Variants in PZP observed in about 807,000 individuals in gnomAD.
PZP encodes the protein PZP alpha-2-macroglobulin like.
In PZP, 150 loss-of-function variants were observed where a neutral mutation model predicts 179.8. The ratio of observed to expected loss-of-function variants is 0.83; its 90% CI spans 0.73 to 0.96. The LOEUF (loss-of-function observed/expected upper bound fraction) is 0.96, where lower values mean the gene tolerates loss of function less well. PZP is among the 40% of genes least tolerant of loss of function. The pLI, the probability that PZP is intolerant of heterozygous loss-of-function variation, is 0.00. For synonymous variants in PZP, 624 were observed against 652.3 expected (o/e 0.96, Z 0.66); for missense variants, 1,689 against 1,764.0 (o/e 0.96, Z 0.76).
Position 9,202,645 on chromosome 12 carries a change from T to C in PZP, c.307A>G (p.Ser103Gly), listed in dbSNP as rs752631140. The C allele has an allele frequency of 1.2e-6, 2 of 1,614,026 alleles. No homozygotes were observed. Among genetic ancestry groups the C allele is most frequent in the South Asian group, 2.2e-5 (2 of 91,084 alleles). The stretch of plus-strand genomic sequence containing the variant: ...TGCGTAGGCCCCTTTATCTGGATGC[T>C]AAGGAATGCCACCTCTGAAGAGGCT... ...ISASSEVAFL[S>G]IQIKGPTQDF... is the part of the protein sequence containing the mutation. Residue 103 changes from serine to glycine, a missense_variant, in exon 3 of 36, where the codon AGC (serine) becomes GGC (glycine). Ser to Gly is a moderately conservative substitution (Grantham distance 56, BLOSUM62 0). Around this residue, in one of 3 missense-constraint regions of PZP, gnomAD observed 742 missense variants for 730.5 expected, o/e 1.02. Transcript: ENST00000261336.
chr12:9,185,818 T>TCTTTTCTTTTCTTTTCTTTTCTTTTC (rs1555173417), intron 13 of PZP, among the ~76,000 whole-genome samples: 30 of 150,394 alleles, frequency 2.0e-4, no homozygotes, highest in Non-Finnish European at 3.7e-4. Flanking sequence ...TCTTTTCTTT[T>TCTTTTCTTTTCTTTTCTTTTCTTTTC]TTTTTTTCTT....
chr12:9,145,681 T>A (rs1439299972), downstream of PZP, among the ~76,000 whole-genome samples: 1 of 152,216 alleles, frequency 6.6e-6, no homozygotes, highest in Non-Finnish European at 1.5e-5. Flanking sequence ...TTAGTGTCCT[T>A]TTCTTTCAGT....
At chr12:9,165,626 G>A (rs917908751) in intron 18 of PZP, among the ~76,000 whole-genome samples, 6 of 152,136 alleles carry the variant, frequency 3.9e-5, no homozygotes, top group East Asian at 1.9e-4. Context: ...TTTGAATTGC[G>A]ATTCATTTTA....
At chr12:9,146,519 T>C (rs2120444991), downstream of PZP, among the ~76,000 whole-genome samples, 1 of 152,310 alleles carries the variant, frequency 6.6e-6, no homozygotes, top group Admixed American at 6.5e-5. Flanking sequence ...TTCTAGAATG[T>C]ATTTTGTTCC....
intron 4 of PZP, 63 bp downstream of exon 4, chr12:9,202,256 C>T (rs1485829072): frequency 2.2e-6 from 3 of 1,391,780 alleles, no homozygotes; most frequent in Non-Finnish European, 3.1e-6. Flanking sequence ...TACCTTTCTA[C>T]CTCACTCTGG....
chr12:9,164,317 C>T, intron 19 of PZP, 58 bp from the exon 20 acceptor site: 1 of 1,546,780 alleles, frequency 6.5e-7, no homozygotes. Flanking sequence ...GACACGAACA[C>T]ATAGAATTGG....
At chr12:9,186,102 G>A (rs753540051) in intron 13 of PZP, among the ~76,000 whole-genome samples, 1 of 151,932 alleles carries the variant, frequency 6.6e-6, no homozygotes, top group South Asian at 2.1e-4. Flanking sequence ...CACTGCACCT[G>A]GCCAACATTC....
chr12:9,154,589 G>A (rs749552869), intron 29 of PZP, 27 bp downstream of exon 29: 1 of 1,601,978 alleles, frequency 6.2e-7, no homozygotes, highest in South Asian at 1.1e-5. Context: ...TGAACCTGGA[G>A]CAGAAGACTC....
At chr12:9,137,200 C>T in the PZP span, among the ~76,000 whole-genome samples, 1 of 152,010 alleles carries the variant, frequency 6.6e-6, no homozygotes, top group African/African-American at 2.4e-5. Flanking sequence ...TGAGTTAATT[C>T]TTGTGTATGG....
At chr12:9,185,999 G>T (rs912843356) in intron 13 of PZP, among the ~76,000 whole-genome samples, 3 of 151,576 alleles carry the variant, frequency 2.0e-5, no homozygotes, top group Non-Finnish European at 4.4e-5. Context: ...GTAGAGATGG[G>T]GTTTCACCAT....
intron 13 of PZP, among the ~76,000 whole-genome samples, chr12:9,184,006 T>G (rs1942941580): frequency 6.6e-6 from 1 of 152,180 alleles, no homozygotes; most frequent in Non-Finnish European, 1.5e-5. Context: ...CTTTTATCAC[T>G]GTCTTGAGTT....
chr12:9,183,388 G>A (rs150792419), intron 13 of PZP, among the ~76,000 whole-genome samples: 2 of 145,466 alleles, frequency 1.4e-5, no homozygotes, highest in Non-Finnish European at 3.0e-5. Flanking sequence ...ACGTTATGTT[G>A]TACACCTTAA....
intron 16 of PZP, 113 bp from the exon 17 acceptor site, chr12:9,169,087 C>A: frequency 8.6e-6 from 6 of 698,208 alleles, no homozygotes; most frequent in African/African-American, 1.8e-5. Context: ...AATTCTATGG[C>A]GAAACACTTG....
Position 9,192,679 on chromosome 12 carries a change from C to G in PZP, c.1315G>C (p.Gly439Arg). 1.9e-6 allele frequency: 3 copies of G among 1,613,946 alleles called. No individual in the cohort carries two copies. Among genetic ancestry groups the G allele is most frequent in the Non-Finnish European group, 2.5e-6 (3 of 1,179,826 alleles). The part of the protein sequence containing the change: ...HYSWVAEDHQ[G>R]AQHTANRVFS... ...ACACGATTTGCAGTGTGCTGAGCAC[C>G]CTGGTGGTCTTCTGCTACCCATGAA... The change falls in exon 12 of 36, where the codon GGT becomes CGT. Residue 439 changes from glycine (G) to arginine (R), a missense_variant. Physicochemically the swap from Gly to Arg is moderately radical, Grantham distance 125. This residue lies in a region of PZP where 742 missense variants were observed against 730.5 expected (regional missense o/e 1.02). Coordinates refer to ENST00000261336, the MANE Select transcript of PZP (RefSeq NM_002864.3).
At chr12:9,182,743 C>G (rs7306859) in intron 13 of PZP, among the ~76,000 whole-genome samples, 88,627 of 152,052 alleles carry the variant, frequency 0.58, 26,543 homozygotes, top group East Asian at 0.76. Context: ...AAAAGGGCAA[C>G]AACAAAAGTT....
intron 7 of PZP, among the ~76,000 whole-genome samples, chr12:9,197,664 AT>A (rs1943886919): frequency 9.4e-6 from 1 of 106,030 alleles, no homozygotes. Context: ...ATATAAAATT[AT>A]TATATATATT....
chr12:9,148,020 A>C (rs867062338), downstream of PZP, among the ~76,000 whole-genome samples: 1 of 152,042 alleles, frequency 6.6e-6, no homozygotes, highest in Non-Finnish European at 1.5e-5. Flanking sequence ...CTCTCCATAA[A>C]AGGCATTAAC....
intron 34 of PZP, among the ~76,000 whole-genome samples, 164 bp from the exon 35 acceptor site, chr12:9,149,766 T>A (rs1940211611): frequency 2.0e-5 from 3 of 152,220 alleles, no homozygotes; most frequent in African/African-American, 7.2e-5. Context: ...AACATATTTA[T>A]ATTCTCTTTC....
chr12:9,199,069 T>C (rs1376798285), intron 7 of PZP, among the ~76,000 whole-genome samples: 1 of 152,210 alleles, frequency 6.6e-6, no homozygotes, highest in Non-Finnish European at 1.5e-5. Context: ...GTAAGGTTCA[T>C]GCCCTCTGTC....
Sources: gnomAD v4.1 joint callset for allele counts (sites outside exome capture counted in the v4.1 genomes callset) on GRCh38, gnomAD v4.1.1 for gene constraint, gnomAD v4.1.1 regional missense constraint, MANE v1.5 for transcripts, NCBI Gene and HGNC (gene_info 2026-07-23, HGNC 2026-07-21) for gene names.